Variants in TMEM161B observed in about 807,000 individuals in gnomAD.
TMEM161B encodes the protein transmembrane protein 161B.
TMEM161B carries 34 observed loss-of-function variants against 61.8 expected under a neutral mutation model. The observed-to-expected ratio is 0.55, with a 90% confidence interval of 0.42 to 0.73. The LOEUF (loss-of-function observed/expected upper bound fraction) is 0.73. Ranked by LOEUF, TMEM161B falls within the 30% of genes least tolerant of loss-of-function variation. The pLI, the probability that TMEM161B is intolerant of heterozygous loss-of-function variation, is 0.00. For missense variants in TMEM161B, 456 were observed against 558.5 expected (o/e 0.82, Z 1.85); for synonymous variants, 167 against 192.8 (o/e 0.87, Z 1.11).
At chr5:88,254,079 A>G (rs191368827) in intron 1 of TMEM161B, among the ~76,000 whole-genome samples, 5 of 152,172 alleles carry the variant, frequency 3.3e-5, no homozygotes, top group African/African-American at 1.2e-4. Context: ...GGAGGTGCTG[A>G]AGAGTTAAAT....
intron 1 of TMEM161B, among the ~76,000 whole-genome samples, chr5:88,249,397 T>C (rs1754036976): frequency 6.6e-6 from 1 of 152,168 alleles, no homozygotes; most frequent in Non-Finnish European, 1.5e-5. Flanking sequence ...GCAAAGCATT[T>C]CTAACTGCAC....
chr5:88,225,710 T>C (rs1055291400), intron 4 of TMEM161B, 59 bp downstream of exon 4: 2 of 1,119,964 alleles, frequency 1.8e-6, no homozygotes, highest in Non-Finnish European at 2.6e-6. Flanking sequence ...ATGAAAGTAC[T>C]TTCACTACTA....
At chr5:88,218,728 G>A (rs1748378179) in intron 5 of TMEM161B, among the ~76,000 whole-genome samples, 1 of 152,128 alleles carries the variant, frequency 6.6e-6, no homozygotes. Flanking sequence ...ATTGGCAGCT[G>A]CAGTTCTTAA....
intron 2 of TMEM161B, among the ~76,000 whole-genome samples, chr5:88,230,632 T>C (rs906648572): frequency 2.6e-5 from 4 of 152,180 alleles, no homozygotes; most frequent in Non-Finnish European, 4.4e-5. Flanking sequence ...CACAAATTCT[T>C]TCATCCCTTG....
chr5:88,250,507 C>A (rs2112718638), intron 1 of TMEM161B: 1 of 152,428 alleles, frequency 6.6e-6, no homozygotes, highest in South Asian at 2.1e-4. Flanking sequence ...TTTTTCCAAA[C>A]AAGCCCCTGT....
chr5:88,206,292 T>A (rs1745450884), intron 7 of TMEM161B, 147 bp downstream of exon 7: 1 of 690,640 alleles, frequency 1.4e-6, no homozygotes, highest in African/African-American at 1.8e-5. Flanking sequence ...TATATAGTCA[T>A]AAAAATTATG....
intron 1 of TMEM161B, among the ~76,000 whole-genome samples, chr5:88,249,550 T>TCAA (rs1280818481): frequency 6.6e-6 from 1 of 152,136 alleles, no homozygotes; most frequent in Non-Finnish European, 1.5e-5. Context: ...TTTTTAAAAC[T>TCAA]CAGATCGTAA....
At chr5:88,254,172 C>T (rs1375474280) in intron 1 of TMEM161B, among the ~76,000 whole-genome samples, 2 of 151,934 alleles carry the variant, frequency 1.3e-5, no homozygotes, top group Non-Finnish European at 2.9e-5. Flanking sequence ...TCTCATATAT[C>T]CTACTGAATT....
chr5:88,202,066 G>A (rs1038320742), intron 9 of TMEM161B: 2 of 447,638 alleles, frequency 4.5e-6, no homozygotes, highest in African/African-American at 2.0e-5. Context: ...CATTACATGT[G>A]TTCTTTCATT....
intron 5 of TMEM161B, among the ~76,000 whole-genome samples, chr5:88,208,896 G>A (rs1288437134): frequency 6.6e-6 from 1 of 152,168 alleles, no homozygotes; most frequent in Non-Finnish European, 1.5e-5. Context: ...CCTGACAGAA[G>A]TAAAGAATTA....
At chr5:88,191,644 A>C (rs1748867148), downstream of TMEM161B, among the ~76,000 whole-genome samples, 1 of 152,116 alleles carries the variant, frequency 6.6e-6, no homozygotes, top group Non-Finnish European at 1.5e-5. Context: ...TAACACAGAG[A>C]AATCAGTTAT....
intron 1 of TMEM161B, among the ~76,000 whole-genome samples, chr5:88,246,910 C>G (rs892408581): frequency 6.6e-6 from 1 of 152,034 alleles, no homozygotes; most frequent in Non-Finnish European, 1.5e-5. Context: ...GTTTTATTAA[C>G]GCTTCAAAAC....
At chr5:88,246,797 A>T (rs1468729825) in intron 1 of TMEM161B, among the ~76,000 whole-genome samples, 1 of 152,018 alleles carries the variant, frequency 6.6e-6, no homozygotes, top group African/African-American at 2.4e-5. Context: ...TCACAATAGA[A>T]AACTGGTCAA....
At chr5:88,206,894 AT>A in intron 6 of TMEM161B, 134 bp downstream of exon 6, 1 of 711,578 alleles carries the variant, frequency 1.4e-6, no homozygotes, top group Non-Finnish European at 2.2e-6. Context: ...AAGGTTAATT[AT>A]TTTGAACATT....
chr5:88,190,267 GGCAGGTAACACACC>G (rs200827000), downstream of TMEM161B: 2,727 of 700,606 alleles, frequency 3.9e-3, 79 homozygotes, highest in East Asian at 0.063. Flanking sequence ...TTATGCTGTC[GGCAGGTAACACACC>G]GCTGTGTCAG....
At position 88,240,807 on chromosome 5, in the gene TMEM161B, C is replaced by T. The variant is rs1752609308; in HGVS notation, c.107+6G>A. 1.9e-6 allele frequency: 3 copies of T among 1,604,718 alleles called. No individual in the cohort carries two copies. Among genetic ancestry groups the T allele is most frequent in the South Asian group, 1.1e-5 (1 of 90,872 alleles). ...GTCAGTTGAAATCAGCCTATCCTTG[C>T]CTTACCTGCCATTACAGAGTAGCCA... On this transcript the variant is annotated splice_donor_region_variant and intron_variant, in intron 2 of 11. Coordinates refer to ENST00000296595, the MANE Select transcript of TMEM161B (RefSeq NM_153354.5).
chr5:88,251,479 G>C (rs948972703), intron 1 of TMEM161B, among the ~76,000 whole-genome samples: 1 of 151,990 alleles, frequency 6.6e-6, no homozygotes, highest in African/African-American at 2.4e-5. Flanking sequence ...GTTTCAACAG[G>C]GGGGATTAGT....
intron 3 of TMEM161B, 24 bp from the exon 4 acceptor site, chr5:88,225,890 CA>C (rs757247147): frequency 2.0e-6 from 3 of 1,504,120 alleles, no homozygotes. Context: ...ACAAGTGACA[CA>C]AAAAACAAGT....
chr5:88,192,022 A>G (rs397883622), downstream of TMEM161B, among the ~76,000 whole-genome samples: 7 of 75,276 alleles, frequency 9.3e-5, no homozygotes, highest in East Asian at 7.7e-4. Context: ...ATATATATAT[A>G]TATATGTATA....
Sources: gnomAD v4.1 joint callset for allele counts (sites outside exome capture counted in the v4.1 genomes callset) on GRCh38, gnomAD v4.1.1 for gene constraint, MANE v1.5 for transcripts, NCBI Gene and HGNC (gene_info 2026-07-23, HGNC 2026-07-21) for gene names.